DLC1: variants seen among roughly 807,000 people sequenced by gnomAD.
DLC1 encodes DLC1 Rho GTPase activating protein, also known as rho GTPase-activating protein 7.
In DLC1, 54 loss-of-function variants were observed where a neutral mutation model predicts 140.3. The ratio of observed to expected loss-of-function variants is 0.38; its 90% CI spans 0.31 to 0.48. The LOEUF is 0.48. DLC1 is among the 20% of genes least tolerant of loss of function. The pLI, the probability that DLC1 is intolerant of heterozygous loss-of-function variation, is 0.96. For synonymous variants in DLC1, 986 were observed against 728.1 expected, an observed-to-expected ratio of 1.35 and a Z score of -5.70; for missense variants, 2,536 against 1,907.0, an observed-to-expected ratio of 1.33 and a Z score of -6.14.
chr8:13,255,271 T>G (rs1830173800), intron 5 of DLC1, among the ~76,000 whole-genome samples: 1 of 152,296 alleles, frequency 6.6e-6, no homozygotes, highest in East Asian at 1.9e-4. Flanking sequence ...GAGCCATGCC[T>G]AAGGTACTCT....
chr8:13,163,817 G>GA (rs967649425), intron 5 of DLC1, among the ~76,000 whole-genome samples: 5 of 151,382 alleles, frequency 3.3e-5, no homozygotes, highest in Admixed American at 6.6e-5. Flanking sequence ...ACACAAAAGG[G>GA]AAAAAAAATG....
chr8:13,349,484 C>G (rs1201956515), intron 4 of DLC1, among the ~76,000 whole-genome samples: 2 of 152,188 alleles, frequency 1.3e-5, no homozygotes, highest in Non-Finnish European at 2.9e-5. Context: ...TTCACTTGCT[C>G]TTTCACAGAG....
chr8:13,477,948 T>A (rs1236146269), intron 2 of DLC1, among the ~76,000 whole-genome samples: 1 of 152,138 alleles, frequency 6.6e-6, no homozygotes, highest in Non-Finnish European at 1.5e-5. Context: ...TCTAAGAGAA[T>A]CCCTGTAATT....
chr8:13,524,296 C>G (rs140159547), intron 1 of DLC1, among the ~76,000 whole-genome samples: 1,942 of 151,840 alleles, frequency 0.013, 44 homozygotes, highest in African/African-American at 0.041. Flanking sequence ...CACCACCATA[C>G]CAAGCTAATT....
At chr8:13,461,644 T>A (rs564888499) in intron 2 of DLC1, among the ~76,000 whole-genome samples, 1 of 152,320 alleles carries the variant, frequency 6.6e-6, no homozygotes, top group African/African-American at 2.4e-5. Flanking sequence ...TATTTATTAT[T>A]AGTTTCAAAT....
At chr8:13,416,764 C>T (rs1223740889) in intron 2 of DLC1, among the ~76,000 whole-genome samples, 1 of 152,160 alleles carries the variant, frequency 6.6e-6, no homozygotes, top group Non-Finnish European at 1.5e-5. Context: ...ATGTAGATTC[C>T]TGGCTTACAC....
At chr8:13,326,986 G>C (rs191451953) in intron 4 of DLC1, among the ~76,000 whole-genome samples, 2 of 151,990 alleles carry the variant, frequency 1.3e-5, no homozygotes, top group East Asian at 3.9e-4. Flanking sequence ...ACAGAATCTC[G>C]CTCTGTTGCC....
chr8:13,500,042 C>G lies in DLC1; in HGVS notation c.30G>C (p.Trp10Cys), dbSNP rs761325410. 7 of 1,613,910 alleles carry G rather than the reference C, an allele frequency of 4.3e-6. No individual in the cohort carries two copies. Among genetic ancestry groups the G allele is most frequent in the Non-Finnish European group, 5.9e-6 (7 of 1,179,870 alleles). ...CCATCCAGTGGGTCACATGTTCTTCCCAGCTTCTCTTTCTGATAGCTACAG... is the reference window on the plus strand; with the variant it reads ...CCATCCAGTGGGTCACATGTTCTTCGCAGCTTCTCTTTCTGATAGCTACAG... MSVAIRKRSWEEHVTHWMGQ... is the reference protein window; with the variant it reads MSVAIRKRSCEEHVTHWMGQ... Residue 10 changes from tryptophan to cysteine, a missense_variant, in exon 2 of 18, where the codon TGG (tryptophan) becomes TGC (cysteine). Transcript: ENST00000276297.
intron 4 of DLC1, among the ~76,000 whole-genome samples, chr8:13,324,600 T>C (rs957573470): frequency 1.3e-5 from 2 of 148,800 alleles, no homozygotes; most frequent in African/African-American, 2.5e-5. Context: ...GATTTTAAGA[T>C]CTAACTTTAT....
rs538634636 is a variant in DLC1 at position 13,262,786 on chromosome 8, C to T, written c.1348+42483G>A. ...AATGAAGTGTATTGCTCCTAACTTA[C>T]CAATATGATCAGAAGAAAGACTACT... On this transcript the variant is annotated intron_variant, in intron 5 of 17. Coordinates refer to ENST00000276297, the MANE Select transcript of DLC1 (RefSeq NM_182643.3). 9.2e-5 allele frequency among the ~76,000 whole-genome samples: 14 copies of T among 152,254 alleles called. No individual in the cohort carries two copies. In the South Asian group the frequency reaches 2.1e-3, roughly 23 times the overall value.
intron 2 of DLC1, among the ~76,000 whole-genome samples, chr8:13,402,591 G>T (rs1837346445): frequency 6.6e-6 from 1 of 152,206 alleles, no homozygotes; most frequent in Non-Finnish European, 1.5e-5. Context: ...CCATCTGTCT[G>T]ATTGTATTGA....
At position 13,499,227 on chromosome 8, in the gene DLC1, G is replaced by T; in HGVS notation, c.845C>A (p.Pro282His). ...AGCTGACATTCCATTGGGGCAGGAA[G>T]GAGGCTGCAGAAGGCAGCTTCCAAA... ...TDFGSCLLQP[P>H]SCPNGMSAEN... is the part of the protein sequence containing the mutation. The change falls in exon 2 of 18, where the codon CCT (proline) becomes CAT (histidine). Residue 282 changes from proline (P) to histidine (H), a missense_variant. Physicochemically the swap from Pro to His is moderately conservative, Grantham distance 77. Coordinates refer to ENST00000276297, the MANE Select transcript of DLC1 (RefSeq NM_182643.3). 6.2e-7 allele frequency: 1 copy of T among 1,614,202 alleles called. No individual in the cohort carries two copies. The highest frequency in any genetic ancestry group is 8.5e-7 in the Non-Finnish European group (1 of 1,180,026).
chr8:13,455,883 A>AAAAT (rs1377063013), intron 2 of DLC1, among the ~76,000 whole-genome samples: 1 of 152,182 alleles, frequency 6.6e-6, no homozygotes, highest in African/African-American at 2.4e-5. Context: ...TACGTCTCAA[A>AAAAT]AAATAAATAA....
chr8:13,409,889 C>T (rs983549864), intron 2 of DLC1, among the ~76,000 whole-genome samples: 6 of 151,984 alleles, frequency 3.9e-5, no homozygotes, highest in Non-Finnish European at 5.9e-5. Context: ...AGTAGGCCTA[C>T]GGGGAGGCTA....
intron 1 of DLC1, among the ~76,000 whole-genome samples, chr8:13,513,837 C>T (rs1009352883): frequency 6.6e-6 from 1 of 152,006 alleles, no homozygotes; most frequent in Admixed American, 6.6e-5. Flanking sequence ...TTTCTGGCTG[C>T]CTTAAAAGAG....
chr8:13,213,600 G>A (rs571555873), intron 5 of DLC1, among the ~76,000 whole-genome samples: 6 of 152,252 alleles, frequency 3.9e-5, no homozygotes, highest in South Asian at 4.1e-4. Flanking sequence ...CATTTCCGGC[G>A]AAAGAAACCA....
At chr8:13,404,883 G>A (rs1271940735) in intron 2 of DLC1, among the ~76,000 whole-genome samples, 1 of 152,166 alleles carries the variant, frequency 6.6e-6, no homozygotes, top group East Asian at 1.9e-4. Context: ...CTGGGCACCT[G>A]TAATCCTAGC....
At chr8:13,188,801 G>GTGTATATA (rs1293675412) in intron 5 of DLC1, among the ~76,000 whole-genome samples, 74 of 71,894 alleles carry the variant, frequency 1.0e-3, no homozygotes, top group Non-Finnish European at 1.6e-3. Context: ...GTGTGTGTGT[G>GTGTATATA]TATATATATA....
chr8:13,506,896 T>C (rs1802115406), intron 1 of DLC1, among the ~76,000 whole-genome samples: 1 of 152,062 alleles, frequency 6.6e-6, no homozygotes, highest in Non-Finnish European at 1.5e-5. Context: ...ATGCATATGT[T>C]GGAAACCTGA....
Sources: allele counts gnomAD v4.1 joint callset (sites outside exome capture counted in the v4.1 genomes callset), GRCh38; gene constraint gnomAD v4.1.1; transcripts MANE v1.5; gene names NCBI Gene and HGNC (gene_info 2026-07-23, HGNC 2026-07-21).